PRICKLE2: variants seen among roughly 807,000 people sequenced by gnomAD.
PRICKLE2 encodes the protein prickle-like protein 2.
In PRICKLE2, 21 loss-of-function variants were observed where a neutral mutation model predicts 81.4. That is an observed-to-expected ratio of 0.26 (90% CI 0.18 to 0.37). The LOEUF (loss-of-function observed/expected upper bound fraction) is 0.37. Among genes scored for constraint, PRICKLE2 ranks in the 10% least tolerant of loss-of-function variants. PRICKLE2 has a pLI of 1.00. For missense variants in PRICKLE2, 940 were observed against 1,109.0 expected, an observed-to-expected ratio of 0.85 and a Z score of 2.16; for synonymous variants, 456 against 421.5, an observed-to-expected ratio of 1.08 and a Z score of -1.00.
At chr3:64,248,083 G>A (rs1172702368) in intron 2 of PRICKLE2, among the ~76,000 whole-genome samples, 1 of 152,152 alleles carries the variant, frequency 6.6e-6, no homozygotes, top group Non-Finnish European at 1.5e-5. Flanking sequence ...TTTTGCAGGA[G>A]TAAGTTGAAC....
rs189539427 is a variant in PRICKLE2 at position 64,230,560 on chromosome 3, A to C, written c.129-31593T>G. Among the ~76,000 whole-genome samples, 378 of 152,356 alleles carry C rather than the reference A, an allele frequency of 2.5e-3. 3 individuals are homozygous for C. The highest frequency in any genetic ancestry group is 0.021 in the South Asian group (103 of 4,828). ...CTGCATTCATAAAAAAGAAATGCTC[A>C]AAAGAGTTATCCTCAACAGTTTCTA... On this transcript the variant is annotated intron_variant, in intron 2 of 8. Transcript: ENST00000295902.
At chr3:64,184,677 G>T (rs1256287828) in intron 2 of PRICKLE2, among the ~76,000 whole-genome samples, 1 of 151,976 alleles carries the variant, frequency 6.6e-6, no homozygotes, top group Non-Finnish European at 1.5e-5. Flanking sequence ...TCGCTATGCT[G>T]CCCAGGCTGG....
intron 7 of PRICKLE2, chr3:64,101,761 G>A: frequency 6.6e-6 from 1 of 152,212 alleles, no homozygotes. Flanking sequence ...TATAACCATT[G>A]GAGGTAGAGT....
intron 1 of PRICKLE2, among the ~76,000 whole-genome samples, chr3:64,205,458 C>G (rs530597141): frequency 1.3e-4 from 20 of 152,182 alleles, no homozygotes; most frequent in Admixed American, 1.2e-3. Context: ...AATTAACTTG[C>G]CTGCCATTAC....
chr3:64,235,334 T>A (rs544378453), intron 2 of PRICKLE2, among the ~76,000 whole-genome samples: 1 of 152,248 alleles, frequency 6.6e-6, no homozygotes, highest in Non-Finnish European at 1.5e-5. Context: ...AACACATTTA[T>A]AATTGTTGCT....
At chr3:64,188,815 G>A (rs1030238540) in intron 2 of PRICKLE2, among the ~76,000 whole-genome samples, 4 of 152,056 alleles carry the variant, frequency 2.6e-5, no homozygotes, top group Admixed American at 1.3e-4. Context: ...ATCAGAGTTG[G>A]GTATTTGCCA....
chr3:64,152,566 A>T (rs1379132590), intron 6 of PRICKLE2, among the ~76,000 whole-genome samples: 22 of 148,040 alleles, frequency 1.5e-4, no homozygotes, highest in Non-Finnish European at 2.4e-4. Flanking sequence ...TTTTTTTTTT[A>T]AAGACATACT....
At chr3:64,203,488 T>C (rs1334222428) in intron 1 of PRICKLE2, among the ~76,000 whole-genome samples, 1 of 152,200 alleles carries the variant, frequency 6.6e-6, no homozygotes, top group African/African-American at 2.4e-5. Flanking sequence ...TTTTACCAAA[T>C]TCAGTCCCAA....
rs552410416 is a variant in PRICKLE2 at position 64,217,881 on chromosome 3, T to C, written c.-41+7029A>G. Among the ~76,000 whole-genome samples, 114 of 152,324 alleles carry C rather than the reference T, an allele frequency of 7.5e-4. 3 individuals carry two copies. The South Asian group carries it at 0.023, about 30-fold the overall frequency. On this transcript the variant is annotated intron_variant, in intron 1 of 7. Transcript: ENST00000638394. ...AAAGTCCAAACAGCCTGGTGTCTAG[T>C]GAGGTGACAAATATCAAACTCAGAT...
chr3:64,138,459 C>T (rs1241157788), intron 7 of PRICKLE2, among the ~76,000 whole-genome samples: 3 of 152,208 alleles, frequency 2.0e-5, no homozygotes, highest in African/African-American at 7.2e-5. Context: ...CATTGGTCTG[C>T]AGTGACTGAC....
At chr3:64,239,035 G>A (rs1007697867) in intron 2 of PRICKLE2, among the ~76,000 whole-genome samples, 5 of 152,110 alleles carry the variant, frequency 3.3e-5, no homozygotes, top group African/African-American at 7.2e-5. Flanking sequence ...GAGCCCTGCT[G>A]GTGCATCCTC....
At chr3:64,207,236 A>G (rs1317605341) in intron 1 of PRICKLE2, among the ~76,000 whole-genome samples, 1 of 152,110 alleles carries the variant, frequency 6.6e-6, no homozygotes, top group African/African-American at 2.4e-5. Flanking sequence ...AGAGGAAAAC[A>G]TTTTCCTCCT....
chr3:64,258,563 G>T (rs962542352), intron 2 of PRICKLE2, among the ~76,000 whole-genome samples: 2 of 152,012 alleles, frequency 1.3e-5, no homozygotes, highest in African/African-American at 2.4e-5. Context: ...GCTCACGCCT[G>T]TAATCCCAGC....
intron 2 of PRICKLE2, among the ~76,000 whole-genome samples, chr3:64,188,528 A>G (rs2078276344): frequency 6.6e-6 from 1 of 152,216 alleles, no homozygotes; most frequent in Non-Finnish European, 1.5e-5. Flanking sequence ...AGGTGATACT[A>G]GTGCTACTGG....
intron 2 of PRICKLE2, among the ~76,000 whole-genome samples, chr3:64,184,481 TA>T (rs1454835365): frequency 6.6e-6 from 1 of 152,204 alleles, no homozygotes; most frequent in Non-Finnish European, 1.5e-5. Context: ...ATTTTAATTT[TA>T]TTTTTTTTAA....
At chr3:64,138,332 A>C (rs1033606112) in intron 7 of PRICKLE2, among the ~76,000 whole-genome samples, 2 of 152,168 alleles carry the variant, frequency 1.3e-5, no homozygotes, top group Non-Finnish European at 1.5e-5. Flanking sequence ...CACAGTGGTT[A>C]GTTTAAGAAT....
intron 2 of PRICKLE2, among the ~76,000 whole-genome samples, chr3:64,181,473 T>C (rs1025605786): frequency 2.0e-5 from 3 of 152,326 alleles, no homozygotes; most frequent in African/African-American, 7.2e-5. Context: ...ACTCTACTAG[T>C]GCCCTTTAGT....
In PRICKLE2 at chr3:64,147,602, T is replaced by C; in HGVS notation, c.888A>G (p.Pro296=). 1.2e-6 allele frequency: 2 copies of C among 1,614,160 alleles called. No individual in the cohort carries two copies. Among genetic ancestry groups the C allele is most frequent in the Non-Finnish European group, 1.7e-6 (2 of 1,180,022 alleles). The part of the protein sequence containing the change: ...AHCKKSLLGR[P]FLPKQGQIFC... ...ATATCTGGCCCTGCTTCGGGAGGAATGGCCGCCCCAGGAGGGATTTCTTGC... is the reference window on the plus strand; with the variant it reads ...ATATCTGGCCCTGCTTCGGGAGGAACGGCCGCCCCAGGAGGGATTTCTTGC... The change falls in exon 7 of 8, where the codon CCA becomes CCG. Residue 296 remains proline, a synonymous_variant. Coordinates refer to ENST00000638394, the MANE Select transcript of PRICKLE2 (RefSeq NM_198859.4). The surrounding 1 kb of genome is among the most constrained non-coding windows in gnomAD (Gnocchi z 5.0).
chr3:64,179,401 C>T (rs1419173286), intron 2 of PRICKLE2, among the ~76,000 whole-genome samples: 1 of 152,030 alleles, frequency 6.6e-6, no homozygotes. Context: ...CTCCATAAAG[C>T]ACATCACAGC....
Sources: gnomAD v4.1 joint callset for allele counts (sites outside exome capture counted in the v4.1 genomes callset) on GRCh38, gnomAD v4.1.1 for gene constraint, Gnocchi (gnomAD v3.1) non-coding constraint, MANE v1.5 for transcripts, NCBI Gene and HGNC (gene_info 2026-07-23, HGNC 2026-07-21) for gene names.